USP25: variants seen among roughly 807,000 people sequenced by gnomAD.
USP25 encodes ubiquitin carboxyl-terminal hydrolase 25.
USP25 carries 85 observed loss-of-function variants against 158.5 expected under a neutral mutation model. That is an observed-to-expected ratio of 0.54 (90% CI 0.45 to 0.64). The LOEUF (loss-of-function observed/expected upper bound fraction) is 0.64. Among genes scored for constraint, USP25 ranks in the 30% least tolerant of loss-of-function variants. USP25 has a pLI of 0.00. For missense variants in USP25, 1,242 were observed against 1,327.3 expected (o/e 0.94, Z 1.00); for synonymous variants, 464 against 460.4 (o/e 1.01, Z -0.10).
At chr21:15,834,093 G>A (rs1019503916) in intron 17 of USP25, among the ~76,000 whole-genome samples, 1 of 151,952 alleles carries the variant, frequency 6.6e-6, no homozygotes, top group Non-Finnish European at 1.5e-5. Flanking sequence ...GTATATCACA[G>A]GTAAAAAGTA....
chr21:15,803,664 T>A (rs1250416027), intron 6 of USP25, among the ~76,000 whole-genome samples: 1 of 151,888 alleles, frequency 6.6e-6, no homozygotes, highest in African/African-American at 2.4e-5. Flanking sequence ...ATTTTGTTAC[T>A]GGGAATGTCT....
At chr21:15,742,122 T>A (rs2032114278) in intron 1 of USP25, among the ~76,000 whole-genome samples, 1 of 149,556 alleles carries the variant, frequency 6.7e-6, no homozygotes, top group Admixed American at 6.7e-5. Flanking sequence ...TTTTTTTTTT[T>A]AACAGTTTTT....
chr21:15,847,590 C>G (rs2038682950), intron 18 of USP25, 73 bp from the exon 19 acceptor site: 1 of 1,033,976 alleles, frequency 9.7e-7, no homozygotes, highest in Non-Finnish European at 1.5e-6. Context: ...GCAGGTTATA[C>G]AGTTGTGCAA....
At chr21:15,765,395 G>A (rs2823475) in intron 2 of USP25, among the ~76,000 whole-genome samples, 5,497 of 152,118 alleles carry the variant, frequency 0.036, 316 homozygotes, top group African/African-American at 0.13. Flanking sequence ...CTTTTGATGA[G>A]AACTATGCAA....
intron 4 of USP25, 35 bp from the exon 5 acceptor site, chr21:15,791,467 A>G (rs760274981): frequency 1.3e-6 from 2 of 1,586,044 alleles, no homozygotes; most frequent in East Asian, 4.5e-5. Context: ...ATATACCATT[A>G]TATAATGCTG....
rs775307633 is a variant in USP25 at position 15,877,784 on chromosome 21, C to A, written c.3010-12C>A. On this transcript the variant is annotated splice_polypyrimidine_tract_variant and intron_variant, in intron 24 of 25. Transcript: ENST00000400183. Reference sequence around the variant, plus strand: ...AAAACCTATTCTTTTTTTTTTCCTGCATTGCATTAAGAAATTAAATGAGCA... The same window carrying A: ...AAAACCTATTCTTTTTTTTTTCCTGAATTGCATTAAGAAATTAAATGAGCA... The A allele has an allele frequency of 5.1e-6, 8 of 1,561,268 alleles. No homozygotes were observed. Among genetic ancestry groups the A allele is most frequent in the Non-Finnish European group, 6.1e-6 (7 of 1,155,622 alleles).
chr21:15,830,665 T>C, intron 15 of USP25, 64 bp downstream of exon 15: 1 of 1,265,864 alleles, frequency 7.9e-7, no homozygotes. Context: ...AATTTACCTT[T>C]ACATTATCTT....
chr21:15,826,996 G>C lies in USP25; in HGVS notation c.1486G>C (p.Ala496Pro). The change falls in exon 14 of 26, where the codon GCC becomes CCC. Residue 496 changes from alanine (A) to proline (P), a missense_variant. Coordinates refer to ENST00000400183, the MANE Select transcript of USP25 (RefSeq NM_001283041.3). The surrounding 1 kb of genome is among the most constrained non-coding windows in gnomAD (Gnocchi z 4.8). ...ATACAGCACAACAGAACAACAGGGA[G>C]CCCTATCTTCAGAACTGCCAAGCAC... ...TLPSTTEQQG[A>P]LSSELPSTSP... The C allele has an allele frequency of 6.2e-7, 1 of 1,613,822 alleles. No individual in the cohort carries two copies. Among genetic ancestry groups the C allele is most frequent in the Non-Finnish European group, 8.5e-7 (1 of 1,180,006 alleles).
chr21:15,751,850 A>G (rs1451923562), intron 1 of USP25, among the ~76,000 whole-genome samples: 4 of 152,200 alleles, frequency 2.6e-5, no homozygotes, highest in Admixed American at 2.6e-4. Flanking sequence ...ATTTTTTGGG[A>G]GAAATACATT....
At chr21:15,828,687 G>T (rs149249147) in intron 14 of USP25, among the ~76,000 whole-genome samples, 1 of 152,316 alleles carries the variant, frequency 6.6e-6, no homozygotes, top group East Asian at 1.9e-4. Flanking sequence ...CACCAGGCTG[G>T]AGTGCAGTGG....
At chr21:15,830,682 A>T (rs559477696) in intron 15 of USP25, 81 bp downstream of exon 15, 1 of 1,134,232 alleles carries the variant, frequency 8.8e-7, no homozygotes, top group African/African-American at 1.6e-5. Context: ...TCTTAATCTA[A>T]TTTTTCTTTA....
chr21:15,771,708 C>G (rs1352298552), intron 3 of USP25, among the ~76,000 whole-genome samples: 2 of 148,592 alleles, frequency 1.3e-5, no homozygotes, highest in Non-Finnish European at 3.0e-5. Flanking sequence ...AATAGCTCTT[C>G]TGTCAATCTC....
At chr21:15,790,324 A>G (rs1348891164) in intron 4 of USP25, among the ~76,000 whole-genome samples, 4 of 152,024 alleles carry the variant, frequency 2.6e-5, no homozygotes, top group African/African-American at 9.7e-5. Flanking sequence ...ACATTTTAAC[A>G]TATCATGTTG....
chr21:15,754,678 C>A lies in USP25; in HGVS notation c.46-8213C>A, dbSNP rs573717961. Among the ~76,000 whole-genome samples, 35 of 152,256 alleles carry A rather than the reference C, an allele frequency of 2.3e-4. 1 individual carries two copies. The highest frequency in any genetic ancestry group is 2.3e-3 in the South Asian group (11 of 4,832). On this transcript the variant is annotated intron_variant, in intron 1 of 25. Transcript: ENST00000400183. The stretch of plus-strand genomic sequence containing the variant: ...AGGGGGAAAGCAAAGCAAGTTAGTG[C>A]TGGGGACAGAGGTAGGGACTCTAGC...
In USP25 at chr21:15,878,819, A is replaced by G. The variant is rs2040196794; in HGVS notation, c.*344A>G. 2 of 200,082 alleles carry G rather than the reference A, an allele frequency of 1.0e-5. No individual in the cohort carries two copies. Among genetic ancestry groups the G allele is most frequent in the South Asian group, 2.2e-4 (2 of 8,976 alleles). The allele number at this position is 200,082 out of a possible 1,614,324, so 12.4% of individuals were successfully genotyped here. A position where few individuals can be genotyped will look rare whatever the true frequency, so the allele number is the denominator to read the frequency against. The stretch of plus-strand genomic sequence containing the variant: ...ATTCAGTCTGGATCCTTCCATGACT[A>G]CAGCCATTTAAGTGTTCAGCACTGT... On this transcript the variant is annotated 3_prime_UTR_variant, in exon 26 of 26. Coordinates refer to ENST00000400183, the MANE Select transcript of USP25 (RefSeq NM_001283041.3).
intron 1 of USP25, among the ~76,000 whole-genome samples, chr21:15,755,347 A>G (rs777962035): frequency 2.6e-5 from 4 of 152,222 alleles, no homozygotes; most frequent in African/African-American, 4.8e-5. Flanking sequence ...CCCACCGCTT[A>G]ACACAAACTG....
chr21:15,822,409 A>G (rs181659310), intron 10 of USP25, among the ~76,000 whole-genome samples: 11 of 152,084 alleles, frequency 7.2e-5, no homozygotes, highest in Admixed American at 7.2e-4. Flanking sequence ...ATCCTTTTGT[A>G]AGGTATGGAA....
At chr21:15,765,895 A>T in intron 2 of USP25, 102 bp from the exon 3 acceptor site, 1 of 1,218,660 alleles carries the variant, frequency 8.2e-7, no homozygotes. Flanking sequence ...TTGCAAATTT[A>T]AAGCAATTTT....
chr21:15,745,663 A>G (rs2032488018), intron 1 of USP25, among the ~76,000 whole-genome samples: 1 of 151,748 alleles, frequency 6.6e-6, no homozygotes, highest in Non-Finnish European at 1.5e-5. Context: ...TTTAGTAGAG[A>G]CAGGGTTTCA....
Sources: gnomAD v4.1 joint callset for allele counts (sites outside exome capture counted in the v4.1 genomes callset) on GRCh38, gnomAD v4.1.1 for gene constraint, Gnocchi (gnomAD v3.1) non-coding constraint, MANE v1.5 for transcripts, NCBI Gene and HGNC (gene_info 2026-07-23, HGNC 2026-07-21) for gene names.